INPPL1: variants seen among roughly 807,000 people sequenced by gnomAD.
INPPL1 encodes phosphatidylinositol 3,4,5-trisphosphate 5-phosphatase 2.
Under a neutral mutation model 139.3 loss-of-function variants are expected in INPPL1, and 91 were observed. The ratio of observed to expected loss-of-function variants is 0.65; its 90% CI spans 0.55 to 0.78. The LOEUF (loss-of-function observed/expected upper bound fraction) is 0.78, where lower values mean the gene tolerates loss of function less well. Among genes scored for constraint, INPPL1 ranks in the 30% least tolerant of loss-of-function variants. The probability of loss-of-function intolerance (pLI) is 0.00; values close to 1 mark genes in which losing one functional copy is unlikely to be tolerated. For missense variants in INPPL1, 1,411 were observed against 1,665.6 expected, an observed-to-expected ratio of 0.85 and a Z score of 2.66; for synonymous variants, 719 against 686.6, an observed-to-expected ratio of 1.05 and a Z score of -0.74.
Position 72,230,820 on chromosome 11 carries a change from T to C in INPPL1, c.1222T>C (p.Leu408=), listed in dbSNP as rs1340699808. The C allele has an allele frequency of 6.2e-7, 1 of 1,613,832 alleles. No individual in the cohort carries two copies. The highest frequency in any genetic ancestry group is 1.3e-5 in the African/African-American group (1 of 74,868). ...ARKREAFCQL[L]QLMKNKHSKQ... The stretch of plus-strand genomic sequence containing the variant: ...GAAGCGGGAGGCCTTCTGCCAGCTG[T>C]TGCAGCTCATGAAGAACAAGCACTC... Residue 408 remains leucine, a synonymous_variant, in exon 11 of 28, where the codon TTG becomes CTG. Transcript: ENST00000298229.
intron 5 of INPPL1, 103 bp from the exon 6 acceptor site, chr11:72,229,362 C>G (rs1477373690): frequency 7.1e-7 from 1 of 1,413,862 alleles, no homozygotes; most frequent in Non-Finnish European, 9.9e-7. Context: ...ACTTTCCTCA[C>G]TGGTAGCCTT....
At position 72,228,687 on chromosome 11, in the gene INPPL1, T is replaced by G; in HGVS notation, c.398-40T>G. On this transcript the variant is annotated intron_variant, in intron 3 of 27. Coordinates refer to ENST00000298229, the MANE Select transcript of INPPL1 (RefSeq NM_001567.4). The surrounding 1 kb of genome is among the most constrained non-coding windows in gnomAD (Gnocchi z 5.0). ...ATCGTGCCTCCTACTCCACTGAGTG[T>G]GGGAGGCCCAAACGGCTGCCCACTG... 1 of 1,600,476 alleles carries G rather than the reference T, an allele frequency of 6.2e-7. No homozygotes were observed. Among genetic ancestry groups the G allele is most frequent in the Non-Finnish European group, 8.5e-7 (1 of 1,172,868 alleles).
chr11:72,225,255 G>T (rs1197883288), intron 1 of INPPL1, 89 bp downstream of exon 1: 12 of 1,221,312 alleles, frequency 9.8e-6, no homozygotes, highest in Non-Finnish European at 2.0e-6. Flanking sequence ...GAGGGTTTCT[G>T]GGGCGGTGGG....
Position 72,232,619 on chromosome 11 carries a change from A to T in INPPL1, c.1713-7A>T. On this transcript the variant is annotated splice_region_variant and splice_polypyrimidine_tract_variant and intron_variant, in intron 14 of 27. Transcript: ENST00000298229. Reference sequence around the variant, plus strand: ...TACCCCTCCCCACCACGCACCCCTCACCCTAGGAGGAACCAAAACTACTTG... The same window carrying T: ...TACCCCTCCCCACCACGCACCCCTCTCCCTAGGAGGAACCAAAACTACTTG... 1 of 1,607,240 alleles carries T rather than the reference A, an allele frequency of 6.2e-7. No individual in the cohort carries two copies. The highest frequency in any genetic ancestry group is 1.4e-5 in the African/African-American group (1 of 72,674).
chr11:72,232,195 C>G (rs1223585087), intron 13 of INPPL1, 45 bp from the exon 14 acceptor site: 1 of 1,435,862 alleles, frequency 7.0e-7, no homozygotes, highest in Non-Finnish European at 9.6e-7. Context: ...AGTTGGGAGC[C>G]CTCTGAGGAT....
Position 72,228,853 on chromosome 11 carries a change from ACCC to A in INPPL1, c.518+9_518+11del. The A allele has an allele frequency of 6.3e-7, 1 of 1,582,928 alleles. No homozygotes were observed. The highest frequency in any genetic ancestry group is 8.6e-7 in the Non-Finnish European group (1 of 1,166,756). On this transcript the variant is annotated splice_region_variant and intron_variant, in intron 4 of 27. Coordinates refer to ENST00000298229, the MANE Select transcript of INPPL1 (RefSeq NM_001567.4). The surrounding 1 kb of genome is among the most constrained non-coding windows in gnomAD (Gnocchi z 5.0). ...ACAGCTCCAGCTGCTGAGAGGTGAG[ACCC>A]CCATCCCATCCACTGAACAGGAGAC...
chr11:72,236,052 C>G lies in INPPL1; in HGVS notation c.2879+66C>G. 3.4e-6 allele frequency: 3 copies of G among 870,598 alleles called. No homozygotes were observed. In the South Asian group the frequency reaches 5.2e-5, roughly 15 times the overall value. 53.9% of individuals were successfully genotyped at this position (870,598 alleles called of 1,614,324 possible). A position where few individuals can be genotyped will look rare whatever the true frequency, so the allele number is the denominator to read the frequency against. ...CACCTCTATCCATCACTATCCCCTGCAGGGTCTCAGGGTTGGCCTGGAGAT... is the reference window on the plus strand; with the variant it reads ...CACCTCTATCCATCACTATCCCCTGGAGGGTCTCAGGGTTGGCCTGGAGAT... On this transcript the variant is annotated intron_variant, in intron 25 of 27. Transcript: ENST00000298229.
At chr11:72,224,645 C>A (rs1244791215), upstream of INPPL1, 3 of 149,254 alleles carry the variant, frequency 2.0e-5, no homozygotes, top group Admixed American at 1.3e-4. Flanking sequence ...GGGGCACCGT[C>A]CCCGCAGGAG....
intron 17 of INPPL1, 34 bp from the exon 18 acceptor site, chr11:72,233,407 T>C (rs771556947): frequency 3.1e-6 from 5 of 1,590,422 alleles, no homozygotes; most frequent in Middle Eastern, 1.8e-4. Context: ...CTCCTAGCTG[T>C]CAGCTCTAAC....
At chr11:72,233,041 G>A in intron 16 of INPPL1, 34 bp from the exon 17 acceptor site, 1 of 1,611,402 alleles carries the variant, frequency 6.2e-7, no homozygotes, top group Non-Finnish European at 8.5e-7. Context: ...GGGTGTCAGG[G>A]CCCTGAACCC....
chr11:72,238,567 C>G lies in INPPL1; in HGVS notation c.*214C>G, dbSNP rs1411640220. 2 of 429,732 alleles carry G rather than the reference C, an allele frequency of 4.7e-6. No individual in the cohort carries two copies. Among genetic ancestry groups the G allele is most frequent in the African/African-American group, 2.1e-5 (1 of 48,534 alleles). 26.6% of individuals were successfully genotyped at this position (429,732 alleles called of 1,614,324 possible). A position where few individuals can be genotyped will look rare whatever the true frequency, so the allele number is the denominator to read the frequency against. ...TGCCCCTCGCCTTTTAGGCTCAGGA[C>G]GGAAGGTCAGTTGCCATGGTTACCG... On this transcript the variant is annotated 3_prime_UTR_variant, in exon 28 of 28. Transcript: ENST00000298229.
chr11:72,238,202 G>A (rs759901774), intron 27 of INPPL1, 27 bp downstream of exon 27: 74 of 1,611,970 alleles, frequency 4.6e-5, no homozygotes, highest in African/African-American at 2.7e-5. Context: ...CCCCGGGGGC[G>A]GAGCTGGGGC....
chr11:72,237,491 G>GGCA lies in INPPL1; in HGVS notation c.3247_3248insGCA (p.Ala1083delinsGlyThr). The stretch of plus-strand genomic sequence containing the variant: ...GCCAGTGGTCCGGGGCCGTGGTGGG[G>GGCA]CTGAGGCCCGTGGCCCACCACCTCC... On this transcript the variant is annotated protein_altering_variant, in exon 26 of 28. Transcript: ENST00000298229. 1 of 1,609,702 alleles carries GGCA rather than the reference G, an allele frequency of 6.2e-7. No homozygotes were observed. The highest frequency in any genetic ancestry group is 8.5e-7 in the Non-Finnish European group (1 of 1,177,472).
At chr11:72,237,092 T>A (rs1458690779) in intron 25 of INPPL1, 32 bp from the exon 26 acceptor site, 1 of 1,541,086 alleles carries the variant, frequency 6.5e-7, no homozygotes, top group Admixed American at 1.9e-5. Flanking sequence ...GGTTCCTGGA[T>A]CCTGGCTTAG....
At position 72,234,188 on chromosome 11, in the gene INPPL1, C is replaced by T. The variant is rs974287582; in HGVS notation, c.2213-93C>T. On this transcript the variant is annotated intron_variant, in intron 19 of 27. Coordinates refer to ENST00000298229, the MANE Select transcript of INPPL1 (RefSeq NM_001567.4). This position sits in a 1 kb window ranked among gnomAD's most constrained non-coding sequence, Gnocchi z 4.2. ...CTGGCCCTGCCTCCTTGCTCTGGACCCCTGATTTCCTGTCCCAGGGCCCTG... is the reference window on the plus strand; with the variant it reads ...CTGGCCCTGCCTCCTTGCTCTGGACTCCTGATTTCCTGTCCCAGGGCCCTG... 7.2e-6 allele frequency: 7 copies of T among 972,324 alleles called. No homozygotes were observed. In the Admixed American group the frequency reaches 9.6e-5, roughly 13 times the overall value. 60.2% of individuals were successfully genotyped at this position (972,324 alleles called of 1,614,324 possible).
intron 13 of INPPL1, 124 bp downstream of exon 13, chr11:72,231,739 G>A: frequency 1.4e-6 from 1 of 717,736 alleles, no homozygotes; most frequent in Non-Finnish European, 2.5e-6. Flanking sequence ...AGGGTACTTT[G>A]AACTTTGAAA....
At position 72,235,603 on chromosome 11, in the gene INPPL1, G is replaced by A. The variant is rs538428751; in HGVS notation, c.2660-72G>A. ...CCCAAGGCATAGCTGGGAAAGGGCT[G>A]GCAGGCCCACTGGGTGTCTGTGGGA... is the stretch of plus-strand genomic sequence containing the variant. On this transcript the variant is annotated intron_variant, in intron 23 of 27. Transcript: ENST00000298229. This position sits in a 1 kb window ranked among gnomAD's most constrained non-coding sequence, Gnocchi z 4.9. The A allele has an allele frequency of 1.3e-6, 2 of 1,586,312 alleles. No individual in the cohort carries two copies. The highest frequency in any genetic ancestry group is 2.2e-5 in the East Asian group (1 of 44,750).
Position 72,232,963 on chromosome 11 carries a change from TC to T in INPPL1, c.1942del (p.Leu648PhefsTer110), listed in dbSNP as rs1948877658. 6.2e-7 allele frequency: 1 copy of T among 1,613,956 alleles called. No individual in the cohort carries two copies. Among genetic ancestry groups the T allele is most frequent in the Non-Finnish European group, 8.5e-7 (1 of 1,179,904 alleles). ...CTGGAGCGGGAGAAGCACAAGGTCTTCCTTCGATTCAGTGAGTGTGGGCCTG... is the reference window on the plus strand; with the variant it reads ...CTGGAGCGGGAGAAGCACAAGGTCTTCTTCGATTCAGTGAGTGTGGGCCTG... ...LNLEREKHKV[F>X]LRFSEEEISF... On this transcript the variant is annotated frameshift_variant, in exon 16 of 28. Coordinates refer to ENST00000298229, the MANE Select transcript of INPPL1 (RefSeq NM_001567.4). LOFTEE classifies it high-confidence loss of function.
chr11:72,237,258 C>T lies in INPPL1; in HGVS notation c.3014C>T (p.Ala1005Val), dbSNP rs200995840. 1.2e-6 allele frequency: 2 copies of T among 1,614,018 alleles called. No individual in the cohort carries two copies. Among genetic ancestry groups the T allele is most frequent in the East Asian group, 4.5e-5 (2 of 44,876 alleles). ...CTGCCCCCGGAGCCACCCTCGCCTG[C>T]CAGGGCCCCTGTCCCATCTGCCACC... ...QLLPPEPPSP[A>V]RAPVPSATKN... The change falls in exon 26 of 28, where the codon GCC (alanine) becomes GTC (valine). Residue 1005 changes from alanine to valine, a missense_variant. Transcript: ENST00000298229.
Sources: gnomAD v4.1 joint callset for allele counts on GRCh38, gnomAD v4.1.1 for gene constraint, Gnocchi (gnomAD v3.1) non-coding constraint, MANE v1.5 for transcripts, NCBI Gene and HGNC (gene_info 2026-07-23, HGNC 2026-07-21) for gene names.